Variants in TMEM132D observed in about 807,000 individuals in gnomAD.
TMEM132D encodes mature OL transmembrane protein.
TMEM132D carries 21 observed loss-of-function variants against 62.3 expected under a neutral mutation model. That is an observed-to-expected ratio of 0.34 (90% CI 0.24 to 0.49). TMEM132D has a LOEUF of 0.49. Among genes scored for constraint, TMEM132D ranks in the 20% least tolerant of loss-of-function variants. TMEM132D has a pLI of 0.99. For missense variants in TMEM132D, 1,346 were observed against 1,402.8 expected (o/e 0.96, Z 0.65); for synonymous variants, 621 against 575.6 (o/e 1.08, Z -1.13).
At position 129,827,296 on chromosome 12, in the gene TMEM132D, C is replaced by A. The variant is rs917773441; in HGVS notation, c.79+75965G>T. On this transcript the variant is annotated intron_variant, in intron 1 of 8. Transcript: ENST00000422113. This position sits in a 1 kb window ranked among gnomAD's most constrained non-coding sequence, Gnocchi z 9.7. Reference sequence around the variant, plus strand: ...AGGCTTGAAGAAACTAAGTAATTTGCCCAACAGCACCCAGTTAACAAAGGG... The same window carrying A: ...AGGCTTGAAGAAACTAAGTAATTTGACCAACAGCACCCAGTTAACAAAGGG... 6.6e-6 allele frequency among the ~76,000 whole-genome samples: 1 copy of A among 152,036 alleles called. No individual in the cohort carries two copies. Among genetic ancestry groups the A allele is most frequent in the African/African-American group, 2.4e-5 (1 of 41,376 alleles).
At position 129,451,078 on chromosome 12, in the gene TMEM132D, T is replaced by C. The variant is rs920055642; in HGVS notation, c.1115+79981A>G. On this transcript the variant is annotated intron_variant, in intron 3 of 8. Transcript: ENST00000422113. Reference sequence around the variant, plus strand: ...CGCCCGGCCAATTTTCATCACTTCTTATGAGGCCTCCTTGGGCTCTGGAAG... The same window carrying C: ...CGCCCGGCCAATTTTCATCACTTCTCATGAGGCCTCCTTGGGCTCTGGAAG... 2.6e-5 allele frequency among the ~76,000 whole-genome samples: 4 copies of C among 152,124 alleles called. No homozygotes were observed. The South Asian group carries it at 8.3e-4, about 31-fold the overall frequency.
rs369351782 is a variant in TMEM132D at position 129,410,398 on chromosome 12, C to G, written c.1116-72581G>C. Among the ~76,000 whole-genome samples, 12 of 152,304 alleles carry G rather than the reference C, an allele frequency of 7.9e-5. No homozygotes were observed. The East Asian group carries it at 1.5e-3, about 20-fold the overall frequency. ...GTTTTCAGATGGAGTCTCACTCTGT[C>G]TCTCAGGCTGGAGTGCAGTGGCACG... On this transcript the variant is annotated intron_variant, in intron 3 of 8. Transcript: ENST00000422113.
chr12:129,483,633 G>C (rs1167619718), intron 3 of TMEM132D, among the ~76,000 whole-genome samples: 1 of 152,210 alleles, frequency 6.6e-6, no homozygotes, highest in Non-Finnish European at 1.5e-5. Context: ...CATTTTGAGT[G>C]AACACAAACG....
chr12:129,168,206 AAGG>A (rs936226681), intron 5 of TMEM132D, among the ~76,000 whole-genome samples: 1 of 152,056 alleles, frequency 6.6e-6, no homozygotes, highest in Non-Finnish European at 1.5e-5. Flanking sequence ...GGTTTCCACT[AAGG>A]AGTCTGCTAT....
chr12:129,702,973 A>T (rs1310895148), intron 1 of TMEM132D, among the ~76,000 whole-genome samples: 1 of 152,162 alleles, frequency 6.6e-6, no homozygotes, highest in African/African-American at 2.4e-5. Context: ...GTGATACGGG[A>T]CTAAGGAAGA....
intron 2 of TMEM132D, among the ~76,000 whole-genome samples, chr12:129,672,516 G>A (rs1880524512): frequency 6.6e-6 from 1 of 152,160 alleles, no homozygotes. Context: ...CCAAACAAAG[G>A]GGAAGAATAC....
chr12:129,628,721 G>A (rs555472317), intron 2 of TMEM132D, among the ~76,000 whole-genome samples: 2 of 152,256 alleles, frequency 1.3e-5, no homozygotes, highest in Admixed American at 1.3e-4. Context: ...ACAGTGTGGG[G>A]ATACTCAGTG....
At chr12:129,422,323 A>G (rs1015785979) in intron 3 of TMEM132D, among the ~76,000 whole-genome samples, 5 of 152,178 alleles carry the variant, frequency 3.3e-5, no homozygotes, top group African/African-American at 4.8e-5. Context: ...TGCTTCTCAC[A>G]TAATAAGAAG....
chr12:129,650,599 C>A (rs780320944), intron 2 of TMEM132D, among the ~76,000 whole-genome samples: 2 of 152,168 alleles, frequency 1.3e-5, no homozygotes, highest in African/African-American at 2.4e-5. Flanking sequence ...CTGGCTGCTT[C>A]GTTTCATCAC....
intron 4 of TMEM132D, among the ~76,000 whole-genome samples, chr12:129,220,248 C>T (rs1879314335): frequency 1.3e-5 from 2 of 152,026 alleles, no homozygotes; most frequent in Non-Finnish European, 2.9e-5. Context: ...CTTGTCATGA[C>T]TAGAAAGCTT....
chr12:129,712,023 G>T (rs1868389101), intron 1 of TMEM132D, among the ~76,000 whole-genome samples: 2 of 151,734 alleles, frequency 1.3e-5, no homozygotes, highest in Non-Finnish European at 1.5e-5. Flanking sequence ...ACATCCTCAG[G>T]TTATTTCTTA....
chr12:129,620,698 G>A (rs200471873), intron 2 of TMEM132D, among the ~76,000 whole-genome samples: 23 of 152,136 alleles, frequency 1.5e-4, no homozygotes, highest in East Asian at 3.9e-4. Flanking sequence ...GGAAGCCACC[G>A]TCCTCAGCAA....
intron 3 of TMEM132D, among the ~76,000 whole-genome samples, chr12:129,434,028 G>A (rs1462446805): frequency 6.6e-6 from 1 of 152,166 alleles, no homozygotes; most frequent in East Asian, 1.9e-4. Flanking sequence ...GTGTCACTAG[G>A]GATACTTTCG....
Position 129,325,249 on chromosome 12 carries a change from C to T in TMEM132D, c.1299+12385G>A, listed in dbSNP as rs116588549. ...TACCCCTATTCCCTTGGGGATCAGA[C>T]GCTGGACAGAAACAAGGTTTGTTAG... On this transcript the variant is annotated intron_variant, in intron 4 of 8. Transcript: ENST00000422113. 4.4e-3 allele frequency among the ~76,000 whole-genome samples: 670 copies of T among 152,220 alleles called. 2 individuals carry two copies. Among genetic ancestry groups the T allele is most frequent in the African/African-American group, 0.015 (622 of 41,530 alleles).
intron 3 of TMEM132D, among the ~76,000 whole-genome samples, chr12:129,387,412 C>A (rs1593360453): frequency 6.6e-6 from 1 of 151,360 alleles, no homozygotes; most frequent in Non-Finnish European, 1.5e-5. Flanking sequence ...AACCATATCA[C>A]TAACACTAAC....
At chr12:129,349,963 A>G (rs1231770135) in intron 3 of TMEM132D, among the ~76,000 whole-genome samples, 4 of 152,212 alleles carry the variant, frequency 2.6e-5, no homozygotes, top group Non-Finnish European at 5.9e-5. Flanking sequence ...CGGGGAAAGT[A>G]GAAAGAGCTA....
At chr12:129,781,545 T>C (rs1176468016) in intron 1 of TMEM132D, among the ~76,000 whole-genome samples, 1 of 152,202 alleles carries the variant, frequency 6.6e-6, no homozygotes. Context: ...TTCCCCCTCA[T>C]GTAGAGAGTC....
At chr12:129,659,997 G>A (rs1006122612) in intron 2 of TMEM132D, among the ~76,000 whole-genome samples, 17 of 152,178 alleles carry the variant, frequency 1.1e-4, no homozygotes, top group African/African-American at 4.1e-4. Context: ...ACTGAACTGA[G>A]TTATTCAGTG....
chr12:129,460,442 T>C (rs4759946), intron 3 of TMEM132D, among the ~76,000 whole-genome samples: 130,049 of 151,764 alleles, frequency 0.86, 55,902 homozygotes, highest in Admixed American at 0.92. Context: ...GCTGCCGGGA[T>C]CTGAGTAGCA....
Sources: allele counts gnomAD v4.1 joint callset (sites outside exome capture counted in the v4.1 genomes callset), GRCh38; gene constraint gnomAD v4.1.1; non-coding constraint Gnocchi (gnomAD v3.1); transcripts MANE v1.5; gene names NCBI Gene and HGNC (gene_info 2026-07-23, HGNC 2026-07-21).